Variants in STAU1 observed in about 807,000 individuals in gnomAD.
STAU1 encodes staufen double-stranded RNA binding protein 1.
In STAU1, 13 loss-of-function variants were observed where a neutral mutation model predicts 62.9. The observed-to-expected ratio is 0.21, with a 90% CI of 0.13 to 0.33. The LOEUF (loss-of-function observed/expected upper bound fraction) is 0.33, where lower values mean the gene tolerates loss of function less well. Ranked by LOEUF, STAU1 falls within the 10% of genes least tolerant of loss-of-function variation. The pLI is 1.00. For synonymous variants in STAU1, 269 were observed against 265.1 expected, an observed-to-expected ratio of 1.01 and a Z score of -0.14; for missense variants, 571 against 712.1, an observed-to-expected ratio of 0.80 and a Z score of 2.25.
chr20:49,186,455 T>C (rs1169871562), intron 1 of STAU1, among the ~76,000 whole-genome samples: 1 of 152,096 alleles, frequency 6.6e-6, no homozygotes, highest in Non-Finnish European at 1.5e-5. Context: ...GCATGTGTGT[T>C]AAGAGATGGG....
the STAU1 span, among the ~76,000 whole-genome samples, chr20:49,204,630 A>ATATATATATGTG: frequency 1.8e-5 from 1 of 56,010 alleles, no homozygotes; most frequent in Non-Finnish European, 2.9e-5. Flanking sequence ...ATATGTGTAT[A>ATATATATATGTG]TATATATATA....
the STAU1 span, among the ~76,000 whole-genome samples, chr20:49,207,604 C>A: frequency 4.0e-5 from 6 of 151,458 alleles, no homozygotes; most frequent in Admixed American, 6.6e-5. Context: ...CAACCTCCGC[C>A]TCCCAGGTTC....
At chr20:49,152,848 A>C (rs921726500) in intron 4 of STAU1, among the ~76,000 whole-genome samples, 10 of 152,244 alleles carry the variant, frequency 6.6e-5, no homozygotes, top group Admixed American at 5.9e-4. Flanking sequence ...AATATGATTC[A>C]GTTACACAAA....
At chr20:49,170,785 G>GAAA (rs34699924) in intron 2 of STAU1, among the ~76,000 whole-genome samples, 2 of 135,770 alleles carry the variant, frequency 1.5e-5, no homozygotes, top group Non-Finnish European at 3.1e-5. Context: ...ATGTGTCTGG[G>GAAA]AAAAAAAAAA....
intron 6 of STAU1, among the ~76,000 whole-genome samples, chr20:49,127,849 CA>C (rs894029264): frequency 6.6e-6 from 1 of 150,544 alleles, no homozygotes; most frequent in Admixed American, 6.6e-5. Flanking sequence ...CCCGTCTCTA[CA>C]AAAAAAATAC....
At chr20:49,150,859 T>C (rs2093233862) in intron 5 of STAU1, among the ~76,000 whole-genome samples, 1 of 152,042 alleles carries the variant, frequency 6.6e-6, no homozygotes, top group Non-Finnish European at 1.5e-5. Flanking sequence ...CATGAAGAAG[T>C]ATAAGCAATC....
chr20:49,125,963 GAAAT>G (rs1378837985), intron 6 of STAU1, among the ~76,000 whole-genome samples: 1 of 151,958 alleles, frequency 6.6e-6, no homozygotes, highest in Non-Finnish European at 1.5e-5. Flanking sequence ...ACATATTAAA[GAAAT>G]AAAACTAAGT....
rs139206491 is a variant in STAU1, at chr20:49,183,555, C to T, written c.-160+4561G>A. Among the ~76,000 whole-genome samples, 954 of 152,304 alleles carry T rather than the reference C, an allele frequency of 6.3e-3. 8 individuals are homozygous for T. Among genetic ancestry groups the T allele is most frequent in the Middle Eastern group, 0.027 (8 of 294 alleles). On this transcript the variant is annotated intron_variant, in intron 1 of 13. Transcript: ENST00000371856. Reference sequence around the variant, plus strand: ...ATCTTTATACTGAATTACACTCTTACTCAATCCAGTAAAAAGGCTCAAAGA... The same window carrying T: ...ATCTTTATACTGAATTACACTCTTATTCAATCCAGTAAAAAGGCTCAAAGA...
At chr20:49,126,115 C>T (rs2092606580) in intron 6 of STAU1, among the ~76,000 whole-genome samples, 1 of 151,276 alleles carries the variant, frequency 6.6e-6, no homozygotes. Flanking sequence ...CAAAAACAGG[C>T]GAGTCTTCAT....
intron 3 of STAU1, among the ~76,000 whole-genome samples, chr20:49,156,120 C>T (rs1352995973): frequency 6.6e-6 from 1 of 152,168 alleles, no homozygotes; most frequent in Non-Finnish European, 1.5e-5. Context: ...AACTAAGAGA[C>T]ATACAACTGG....
intron 3 of STAU1, among the ~76,000 whole-genome samples, chr20:49,165,053 A>T (rs1178801066): frequency 6.6e-6 from 1 of 151,894 alleles, no homozygotes; most frequent in African/African-American, 2.4e-5. Context: ...TTTATTTTTT[A>T]TTTATTTTTG....
chr20:49,204,519 C>A, the STAU1 span, among the ~76,000 whole-genome samples: 1 of 142,534 alleles, frequency 7.0e-6, no homozygotes, highest in Non-Finnish European at 1.5e-5. Flanking sequence ...GGTTGGTGTC[C>A]TTTGTTGCTA....
chr20:49,173,108 T>C (rs1479442052), intron 2 of STAU1, among the ~76,000 whole-genome samples: 2 of 150,304 alleles, frequency 1.3e-5, no homozygotes, highest in Non-Finnish European at 3.0e-5. Flanking sequence ...CCTCCCAAAG[T>C]GCTGGGATTA....
the STAU1 span, among the ~76,000 whole-genome samples, chr20:49,202,257 A>AGAAAGAAAGAAAGAAAGAAAGAAAGAAT: frequency 7.2e-6 from 1 of 138,686 alleles, no homozygotes; most frequent in African/African-American, 2.6e-5. Flanking sequence ...AAAGAAAGAA[A>AGAAAGAAAGAAAGAAAGAAAGAAAGAAT]GAATCAACTA....
At position 49,153,816 on chromosome 20, in the gene STAU1, T is replaced by C; in HGVS notation, c.344+117A>G. Reference sequence around the variant, plus strand: ...GAGTAATTAAGACCAACTTCAACACTTGGCAGGCCCAAACCAAATCATTAC... The same window carrying C: ...GAGTAATTAAGACCAACTTCAACACCTGGCAGGCCCAAACCAAATCATTAC... On this transcript the variant is annotated intron_variant, in intron 4 of 13. Transcript: ENST00000371856. The C allele has an allele frequency of 7.2e-6, 8 of 1,115,186 alleles. 1 individual carries two copies. The South Asian group carries it at 1.4e-4, about 19-fold the overall frequency. 69.1% of individuals were successfully genotyped at this position (1,115,186 alleles called of 1,614,324 possible).
At chr20:49,218,956 C>G in the STAU1 span, among the ~76,000 whole-genome samples, 1 of 132,674 alleles carries the variant, frequency 7.5e-6, no homozygotes, top group Non-Finnish European at 1.5e-5. Flanking sequence ...GTCGGGGTTG[C>G]AGTGATCCAT....
At chr20:49,190,338 C>T (rs1047136942), upstream of STAU1, among the ~76,000 whole-genome samples, 1 of 152,106 alleles carries the variant, frequency 6.6e-6, no homozygotes, top group African/African-American at 2.4e-5. Context: ...AACTAGAGTG[C>T]AGTGGCATGA....
intron 3 of STAU1, 123 bp from the exon 4 acceptor site, chr20:49,154,194 G>T: frequency 1.0e-6 from 1 of 994,372 alleles, no homozygotes; most frequent in Non-Finnish European, 1.4e-6. Flanking sequence ...AAAGGACCTG[G>T]GTGGCTCACT....
At chr20:49,213,338 C>A in the STAU1 span, among the ~76,000 whole-genome samples, 5 of 152,028 alleles carry the variant, frequency 3.3e-5, no homozygotes, top group Non-Finnish European at 4.4e-5. Flanking sequence ...TCAAACAATT[C>A]TCCTGTCTCA....
Sources: allele counts gnomAD v4.1 joint callset (sites outside exome capture counted in the v4.1 genomes callset), GRCh38; gene constraint gnomAD v4.1.1; transcripts MANE v1.5; gene names NCBI Gene and HGNC (gene_info 2026-07-23, HGNC 2026-07-21).